Variants in STXBP5L observed in about 807,000 individuals in gnomAD.
The protein encoded by STXBP5L is syntaxin-binding protein 5-like.
Under a neutral mutation model 144.5 loss-of-function variants are expected in STXBP5L, and 65 were observed. The observed-to-expected ratio is 0.45, with a 90% CI of 0.37 to 0.55. STXBP5L has a LOEUF of 0.55. STXBP5L is among the 20% of genes least tolerant of loss of function. The probability of loss-of-function intolerance (pLI) is 0.00; values close to 1 mark genes in which losing one functional copy is unlikely to be tolerated. For synonymous variants in STXBP5L, 505 were observed against 469.6 expected (o/e 1.08, Z -0.97); for missense variants, 1,298 against 1,405.5 (o/e 0.92, Z 1.22).
At chr3:121,018,785 G>A (rs1364930691) in intron 3 of STXBP5L, among the ~76,000 whole-genome samples, 2 of 152,166 alleles carry the variant, frequency 1.3e-5, no homozygotes, top group Non-Finnish European at 1.5e-5. Flanking sequence ...CCACTTGGAT[G>A]GACAGAACAG....
intron 3 of STXBP5L, among the ~76,000 whole-genome samples, chr3:120,986,639 T>C (rs922105867): frequency 2.7e-4 from 41 of 151,932 alleles, no homozygotes; most frequent in African/African-American, 9.4e-4. Flanking sequence ...GTACATTTTG[T>C]CTAATATTAG....
chr3:121,152,546 G>A lies in STXBP5L; in HGVS notation c.739G>A (p.Val247Ile), dbSNP rs746964799. 1.7e-5 allele frequency: 28 copies of A among 1,605,022 alleles called. No individual in the cohort carries two copies. The highest frequency in any genetic ancestry group is 2.0e-5 in the Non-Finnish European group (24 of 1,175,302). Residue 247 changes from valine to isoleucine, a missense_variant, in exon 8 of 27, where the codon GTT becomes ATT. Coordinates refer to ENST00000471454, the MANE Select transcript of STXBP5L (RefSeq NM_001308330.2). Reference protein sequence around the residue: ...DLKSKRAELRVYYDEAIHSID... With the variant: ...DLKSKRAELRIYYDEAIHSID... The stretch of plus-strand genomic sequence containing the variant: ...GAAATCTAAAAGAGCAGAACTGAGA[G>A]TTTATTATGATGAGGTAAGTGATTT...
chr3:121,234,820 ATT>A (rs1559891311), intron 12 of STXBP5L, among the ~76,000 whole-genome samples: 5 of 151,576 alleles, frequency 3.3e-5, no homozygotes, highest in African/African-American at 1.2e-4. Flanking sequence ...ATTTATGCTT[ATT>A]CTTCTAAGAA....
intron 6 of STXBP5L, among the ~76,000 whole-genome samples, chr3:121,120,836 AG>A (rs2044425789): frequency 6.6e-6 from 1 of 151,322 alleles, no homozygotes; most frequent in African/African-American, 2.4e-5. Context: ...TGACACTGTT[AG>A]GTCGTGGAGA....
chr3:121,018,825 C>A (rs530291730), intron 3 of STXBP5L, among the ~76,000 whole-genome samples: 6 of 152,320 alleles, frequency 3.9e-5, no homozygotes, highest in Non-Finnish European at 4.4e-5. Flanking sequence ...TGAACTTTTA[C>A]TTCATGAATT....
intron 23 of STXBP5L, among the ~76,000 whole-genome samples, chr3:121,411,058 G>C (rs981948218): frequency 6.6e-6 from 1 of 152,020 alleles, no homozygotes; most frequent in Non-Finnish European, 1.5e-5. Flanking sequence ...ATCTTAAGGA[G>C]CTTAGTTACC....
intron 7 of STXBP5L, among the ~76,000 whole-genome samples, chr3:121,126,446 A>C (rs9289161): frequency 0.099 from 15,107 of 152,170 alleles, 1,182 homozygotes; most frequent in Admixed American, 0.2. Flanking sequence ...TGTCTAAAAT[A>C]AGCAAACCTG....
At chr3:121,189,840 C>G (rs1418633526) in intron 9 of STXBP5L, among the ~76,000 whole-genome samples, 1 of 152,020 alleles carries the variant, frequency 6.6e-6, no homozygotes, top group Non-Finnish European at 1.5e-5. Context: ...AAATGACCAA[C>G]TTAAAATAAA....
intron 3 of STXBP5L, among the ~76,000 whole-genome samples, chr3:121,031,937 G>A (rs1946399296): frequency 6.6e-6 from 1 of 152,082 alleles, no homozygotes; most frequent in African/African-American, 2.4e-5. Flanking sequence ...CACTGAGATA[G>A]GATACAGAAA....
intron 4 of STXBP5L, among the ~76,000 whole-genome samples, chr3:121,042,545 G>A (rs891518989): frequency 5.3e-5 from 8 of 151,936 alleles, no homozygotes; most frequent in African/African-American, 1.2e-4. Context: ...TCAGTGTCTC[G>A]GAAAAAAATG....
chr3:121,304,284 C>T (rs1191583173), intron 19 of STXBP5L, among the ~76,000 whole-genome samples: 1 of 152,094 alleles, frequency 6.6e-6, no homozygotes, highest in Non-Finnish European at 1.5e-5. Flanking sequence ...ACCATCATTG[C>T]TGGAAATTCA....
At chr3:121,167,073 A>G (rs2046528406) in intron 9 of STXBP5L, among the ~76,000 whole-genome samples, 1 of 152,234 alleles carries the variant, frequency 6.6e-6, no homozygotes, top group Non-Finnish European at 1.5e-5. Flanking sequence ...AAAGGAGGAT[A>G]TGACTCTTGG....
At chr3:120,969,962 T>G (rs1375393260) in intron 3 of STXBP5L, among the ~76,000 whole-genome samples, 1 of 152,046 alleles carries the variant, frequency 6.6e-6, no homozygotes, top group Non-Finnish European at 1.5e-5. Context: ...TATTACAGGT[T>G]TTTGCATTGT....
intron 3 of STXBP5L, among the ~76,000 whole-genome samples, chr3:121,022,715 T>C (rs1010494569): frequency 6.6e-6 from 1 of 152,144 alleles, no homozygotes; most frequent in Non-Finnish European, 1.5e-5. Context: ...AGCACCGCTT[T>C]ATGATTAAAA....
At chr3:121,058,826 T>G (rs2107621454) in intron 5 of STXBP5L, among the ~76,000 whole-genome samples, 1 of 152,292 alleles carries the variant, frequency 6.6e-6, no homozygotes, top group East Asian at 1.9e-4. Flanking sequence ...TGGGGTTGTT[T>G]TTTTCTTGTA....
chr3:121,326,403 T>TA (rs1286359791), intron 20 of STXBP5L, among the ~76,000 whole-genome samples: 1 of 152,052 alleles, frequency 6.6e-6, no homozygotes, highest in African/African-American at 2.4e-5. Context: ...TGTCTTATCT[T>TA]AGTTTCTGGC....
At chr3:121,107,347 G>T (rs2043761128) in intron 5 of STXBP5L, among the ~76,000 whole-genome samples, 1 of 151,802 alleles carries the variant, frequency 6.6e-6, no homozygotes, top group Non-Finnish European at 1.5e-5. Flanking sequence ...TTATAGTTTG[G>T]GGTTTTACAT....
intron 3 of STXBP5L, among the ~76,000 whole-genome samples, chr3:121,018,829 A>G (rs546931188): frequency 2.1e-4 from 32 of 152,334 alleles, no homozygotes; most frequent in African/African-American, 7.2e-4. Flanking sequence ...CTTTTACTTC[A>G]TGAATTACTG....
chr3:121,054,056 C>T (rs546216606), intron 5 of STXBP5L, among the ~76,000 whole-genome samples: 2 of 151,974 alleles, frequency 1.3e-5, no homozygotes, highest in Non-Finnish European at 1.5e-5. Context: ...ATCTCACACC[C>T]GTTAGAATGG....
Sources: allele counts gnomAD v4.1 joint callset (sites outside exome capture counted in the v4.1 genomes callset), GRCh38; gene constraint gnomAD v4.1.1; transcripts MANE v1.5; gene names NCBI Gene and HGNC (gene_info 2026-07-23, HGNC 2026-07-21).